The following NLGN2 variants were observed in gnomAD, a reference collection of about 807,000 sequenced individuals.
The protein encoded by NLGN2 is neuroligin-2.
A neutral mutation model predicts 48.6 loss-of-function variants in NLGN2; 11 were observed. The observed-to-expected ratio is 0.23, with a 90% CI of 0.14 to 0.37. The LOEUF is 0.37. NLGN2 is among the 10% of genes least tolerant of loss of function. The pLI is 1.00. For missense variants in NLGN2, 801 were observed against 1,225.2 expected (o/e 0.65, Z 5.17); for synonymous variants, 548 against 550.0 (o/e 1.00, Z 0.05).
upstream of NLGN2, among the ~76,000 whole-genome samples, chr17:7,407,685 A>G (rs927474217): frequency 6.6e-6 from 1 of 151,794 alleles, no homozygotes; most frequent in Non-Finnish European, 1.5e-5. Flanking sequence ...GCTGGAAGGG[A>G]GCATGCTGGG....
Position 7,419,352 on chromosome 17 carries a change from T to C in NLGN2, c.*1553T>C, listed in dbSNP as rs1017172188. The C allele has an allele frequency of 1.3e-5, 2 of 152,678 alleles. No homozygotes were observed. The highest frequency in any genetic ancestry group is 6.5e-5 in the Admixed American group (1 of 15,276). The allele number at this position is 152,678 out of a possible 1,614,324, so 9.5% of individuals were successfully genotyped here. On this transcript the variant is annotated 3_prime_UTR_variant, in exon 7 of 7. Coordinates refer to ENST00000302926, the MANE Select transcript of NLGN2 (RefSeq NM_020795.4). ...CCGGAGGGCCTTGGGCTTGGGCATTTGGGAAAAGAATGATGTCTGGAAGGG... is the reference window on the plus strand; with the variant it reads ...CCGGAGGGCCTTGGGCTTGGGCATTCGGGAAAAGAATGATGTCTGGAAGGG...
upstream of NLGN2, among the ~76,000 whole-genome samples, chr17:7,407,387 G>A (rs573474338): frequency 5.3e-5 from 8 of 152,288 alleles, no homozygotes; most frequent in Non-Finnish European, 1.2e-4. Flanking sequence ...GGGGAGAGAG[G>A]GGTCGCAGGC....
chr17:7,415,567 A>G lies in NLGN2; in HGVS notation c.1094A>G (p.Glu365Gly), dbSNP rs1907066819. Residue 365 changes from glutamate to glycine, a missense_variant, in exon 6 of 7, where the codon GAG becomes GGG. Transcript: ENST00000302926. ...VDGDVVPDDPEILMQQGEFLN... is the reference protein window; with the variant it reads ...VDGDVVPDDPGILMQQGEFLN... ...GGCGACGTGGTCCCCGATGACCCTG[A>G]GATCCTCATGCAGCAGGGAGAATTC... 1.9e-6 allele frequency: 3 copies of G among 1,614,098 alleles called. No individual in the cohort carries two copies. Among genetic ancestry groups the G allele is most frequent in the Non-Finnish European group, 2.5e-6 (3 of 1,180,024 alleles).
In NLGN2 at chr17:7,411,355, G is replaced by A. The variant is rs569019065; in HGVS notation, c.458-802G>A. On this transcript the variant is annotated intron_variant, in intron 1 of 6. Coordinates refer to ENST00000302926, the MANE Select transcript of NLGN2 (RefSeq NM_020795.4). This position sits in a 1 kb window ranked among gnomAD's most constrained non-coding sequence, Gnocchi z 4.5. ...TAAGGGACGAGGTTGGGGGGAGTGC[G>A]GAGGGTTGAGCTGGAGCGGAGGGCA... 2.6e-5 allele frequency among the ~76,000 whole-genome samples: 4 copies of A among 152,310 alleles called. No homozygotes were observed. Among genetic ancestry groups the A allele is most frequent in the East Asian group, 1.9e-4 (1 of 5,174 alleles).
At chr17:7,412,501 G>T (rs1443407115) in intron 2 of NLGN2, among the ~76,000 whole-genome samples, 1 of 152,106 alleles carries the variant, frequency 6.6e-6, no homozygotes, top group Non-Finnish European at 1.5e-5. Context: ...AAATTCAAAA[G>T]AATTGGTTAA....
At position 7,408,981 on chromosome 17, in the gene NLGN2, G is replaced by C. The variant is rs914027835; in HGVS notation, c.457+269G>C. On this transcript the variant is annotated intron_variant, in intron 1 of 6. Transcript: ENST00000302926. The surrounding 1 kb of genome is among the most constrained non-coding windows in gnomAD (Gnocchi z 7.5). ...GTAGGGATGGCAGGCACTGGACTAG[G>C]CTCACCCACTGTCTCCCCAAAGAGG... is the stretch of plus-strand genomic sequence containing the variant. 3.3e-5 allele frequency among the ~76,000 whole-genome samples: 5 copies of C among 152,098 alleles called. No individual in the cohort carries two copies. The highest frequency in any genetic ancestry group is 1.2e-4 in the African/African-American group (5 of 41,390).
Position 7,413,182 on chromosome 17 carries a change from G to A in NLGN2, c.508+975G>A, listed in dbSNP as rs965095047. 2.0e-5 allele frequency among the ~76,000 whole-genome samples: 3 copies of A among 152,246 alleles called. No homozygotes were observed. The highest frequency in any genetic ancestry group is 2.9e-5 in the Non-Finnish European group (2 of 68,050). On this transcript the variant is annotated intron_variant, in intron 2 of 6. Coordinates refer to ENST00000302926, the MANE Select transcript of NLGN2 (RefSeq NM_020795.4). The surrounding 1 kb of genome is among the most constrained non-coding windows in gnomAD (Gnocchi z 4.9). ...GGGTGCTGCCCACATAGAAGCTCTG[G>A]CGGAAGCAGTCAGGAGCATGGGGGC... is the stretch of plus-strand genomic sequence containing the variant.
upstream of NLGN2, among the ~76,000 whole-genome samples, chr17:7,405,934 C>T (rs1402969369): frequency 6.6e-6 from 1 of 152,130 alleles, no homozygotes; most frequent in Admixed American, 6.5e-5. This position sits in a 1 kb window ranked among gnomAD's most constrained non-coding sequence, Gnocchi z 6.8. Context: ...CAACTCTCCC[C>T]GGCTGGGGGA....
chr17:7,411,305 T>C lies in NLGN2; in HGVS notation c.458-852T>C, dbSNP rs1024098268. ...TGGCCCTGGTGGGAAATTCACCATT[T>C]TGGGGGGAGGAGAGGAAGCCTGGGT... On this transcript the variant is annotated intron_variant, in intron 1 of 6. Coordinates refer to ENST00000302926, the MANE Select transcript of NLGN2 (RefSeq NM_020795.4). The surrounding 1 kb of genome is among the most constrained non-coding windows in gnomAD (Gnocchi z 4.5). Among the ~76,000 whole-genome samples the C allele has an allele frequency of 4.0e-5, 6 of 151,804 alleles. No individual in the cohort carries two copies. The highest frequency in any genetic ancestry group is 1.2e-4 in the African/African-American group (5 of 41,290).
Position 7,408,333 on chromosome 17 carries a change from G to A in NLGN2, c.78G>A (p.Pro26=), listed in dbSNP as rs767011165. ...RGGGGPGGGA[P]GGPGLGLGSL... is the part of the protein sequence containing the mutation. ...GAGGGGGTCCCGGCGGCGGCGCCCCGGGCGGCCCCGGCCTGGGCCTCGGCA... is the reference window on the plus strand; with the variant it reads ...GAGGGGGTCCCGGCGGCGGCGCCCCAGGCGGCCCCGGCCTGGGCCTCGGCA... The change falls in exon 1 of 7, where the codon CCG becomes CCA. Residue 26 remains proline (P), a synonymous_variant. Coordinates refer to ENST00000302926, the MANE Select transcript of NLGN2 (RefSeq NM_020795.4). This position sits in a 1 kb window ranked among gnomAD's most constrained non-coding sequence, Gnocchi z 7.5. 1.7e-5 allele frequency: 24 copies of A among 1,429,032 alleles called. No individual in the cohort carries two copies. Among genetic ancestry groups the A allele is most frequent in the Non-Finnish European group, 7.3e-6 (8 of 1,098,354 alleles). The allele number at this position is 1,429,032 out of a possible 1,614,324, so 88.5% of individuals were successfully genotyped here. A position where few individuals can be genotyped will look rare whatever the true frequency, so the allele number is the denominator to read the frequency against.
At position 7,414,645 on chromosome 17, in the gene NLGN2, C is replaced by G; in HGVS notation, c.659-18C>G. 6.2e-7 allele frequency: 1 copy of G among 1,613,820 alleles called. No individual in the cohort carries two copies. The highest frequency in any genetic ancestry group is 8.5e-7 in the Non-Finnish European group (1 of 1,179,980). ...CGCTGTGACACCTCCAGGGAGCCCT[C>G]TTCTTCTCTACTCCCAGGTTTTCTC... On this transcript the variant is annotated intron_variant, in intron 3 of 6. Coordinates refer to ENST00000302926, the MANE Select transcript of NLGN2 (RefSeq NM_020795.4).
At chr17:7,407,391 C>T (rs1186446374), upstream of NLGN2, among the ~76,000 whole-genome samples, 3 of 152,104 alleles carry the variant, frequency 2.0e-5, no homozygotes, top group Non-Finnish European at 2.9e-5. Flanking sequence ...AGAGAGGGGT[C>T]GCAGGCAGCA....
Position 7,417,703 on chromosome 17 carries a change from C to A in NLGN2, c.2412C>A (p.Pro804=). 1.5e-6 allele frequency: 2 copies of A among 1,315,746 alleles called. No homozygotes were observed. Among genetic ancestry groups the A allele is most frequent in the Non-Finnish European group, 9.8e-7 (1 of 1,021,822 alleles). 81.5% of individuals were successfully genotyped at this position (1,315,746 alleles called of 1,614,324 possible). The change falls in exon 7 of 7, where the codon CCC becomes CCA. Residue 804 remains proline, a synonymous_variant. Transcript: ENST00000302926. ...GGCCACCGCCACCCCCACCGCCCCC[C>A]TCCCTTCATCCCTTCGGGCCCTTCC... ...GLGPPPPPPP[P]SLHPFGPFPP... is the part of the protein sequence containing the mutation.
At chr17:7,406,186 A>G (rs1170112411), upstream of NLGN2, among the ~76,000 whole-genome samples, 5 of 152,094 alleles carry the variant, frequency 3.3e-5, no homozygotes, top group African/African-American at 9.7e-5. Context: ...CGAGGGTGAG[A>G]GACTGAAGGC....
intron 2 of NLGN2, among the ~76,000 whole-genome samples, chr17:7,412,682 G>A (rs1906947016): frequency 6.6e-6 from 1 of 151,970 alleles, no homozygotes; most frequent in Non-Finnish European, 1.5e-5. Flanking sequence ...CCAAAAGCCT[G>A]TCAGACACAG....
At chr17:7,405,327 T>G (rs957128472), upstream of NLGN2, 2 of 152,328 alleles carry the variant, frequency 1.3e-5, no homozygotes, top group African/African-American at 4.8e-5. This position sits in a 1 kb window ranked among gnomAD's most constrained non-coding sequence, Gnocchi z 6.8. Flanking sequence ...TCTAGTCCTG[T>G]CCCGTTGCCC....
chr17:7,409,861 T>C (rs1038288144), intron 1 of NLGN2, among the ~76,000 whole-genome samples: 12 of 152,128 alleles, frequency 7.9e-5, no homozygotes, highest in Non-Finnish European at 1.5e-4. Flanking sequence ...AGTACTTTCA[T>C]ATCACACACA....
Position 7,414,823 on chromosome 17 carries a change from T to G in NLGN2, c.819T>G (p.Leu273=). 6.2e-7 allele frequency: 1 copy of G among 1,614,190 alleles called. No homozygotes were observed. The highest frequency in any genetic ancestry group is 2.2e-5 in the East Asian group (1 of 44,860). The change falls in exon 4 of 7, where the codon CTT becomes CTG. Residue 273 remains leucine, a synonymous_variant. Coordinates refer to ENST00000302926, the MANE Select transcript of NLGN2 (RefSeq NM_020795.4). ...GGGCAGGGGCCTCCTGCGTCAACCTTCTGATCCTCTCCCACCATTCAGAAG... is the reference window on the plus strand; with the variant it reads ...GGGCAGGGGCCTCCTGCGTCAACCTGCTGATCCTCTCCCACCATTCAGAAG... ...GSGAGASCVN[L]LILSHHSEGL...
Position 7,413,680 on chromosome 17 carries a change from G to A in NLGN2, c.509-664G>A, listed in dbSNP as rs367864177. Among the ~76,000 whole-genome samples the A allele has an allele frequency of 5.7e-4, 87 of 152,258 alleles. 1 individual carries two copies. Among genetic ancestry groups the A allele is most frequent in the African/African-American group, 1.9e-3 (80 of 41,546 alleles). On this transcript the variant is annotated intron_variant, in intron 2 of 6. Transcript: ENST00000302926. This position sits in a 1 kb window ranked among gnomAD's most constrained non-coding sequence, Gnocchi z 4.9. ...CCAGGGCTCAGGCCAGTTTGGGGGTGTCCAAAACTAAGCTGCACCCTGGCT... is the reference window on the plus strand; with the variant it reads ...CCAGGGCTCAGGCCAGTTTGGGGGTATCCAAAACTAAGCTGCACCCTGGCT...
Sources: gnomAD v4.1 joint callset for allele counts (sites outside exome capture counted in the v4.1 genomes callset) on GRCh38, gnomAD v4.1.1 for gene constraint, Gnocchi (gnomAD v3.1) non-coding constraint, MANE v1.5 for transcripts, NCBI Gene and HGNC (gene_info 2026-07-23, HGNC 2026-07-21) for gene names.